CALN1: variants seen among roughly 807,000 people sequenced by gnomAD.
CALN1 encodes calneuron 1.
In CALN1, 17 loss-of-function variants were observed where a neutral mutation model predicts 30.6. That is an observed-to-expected ratio of 0.56 (90% CI 0.38 to 0.83). The LOEUF (loss-of-function observed/expected upper bound fraction) is 0.83. CALN1 is among the 40% of genes least tolerant of loss of function. The probability of loss-of-function intolerance (pLI) is 0.00; values close to 1 mark genes in which losing one functional copy is unlikely to be tolerated. For missense variants in CALN1, 291 were observed against 354.9 expected, an observed-to-expected ratio of 0.82 and a Z score of 1.45; for synonymous variants, 156 against 131.4, an observed-to-expected ratio of 1.19 and a Z score of -1.28.
intron 3 of CALN1, among the ~76,000 whole-genome samples, chr7:72,238,168 T>C (rs1368385569): frequency 6.6e-6 from 1 of 152,202 alleles, no homozygotes; most frequent in Non-Finnish European, 1.5e-5. Flanking sequence ...ATAATACTCT[T>C]AAATGAAAAA....
chr7:72,252,172 T>G (rs1373444449), intron 3 of CALN1, among the ~76,000 whole-genome samples: 3 of 152,112 alleles, frequency 2.0e-5, no homozygotes, highest in Non-Finnish European at 2.9e-5. Flanking sequence ...CCCTCTCAGT[T>G]AATCTCACCT....
At chr7:72,069,506 G>A (rs1457258041) in intron 4 of CALN1, among the ~76,000 whole-genome samples, 1 of 152,102 alleles carries the variant, frequency 6.6e-6, no homozygotes, top group Admixed American at 6.5e-5. Flanking sequence ...AGCTTGTGGT[G>A]TCTCCAGTAT....
intron 6 of CALN1, among the ~76,000 whole-genome samples, chr7:71,807,515 A>G (rs990318531): frequency 6.6e-6 from 1 of 152,222 alleles, no homozygotes; most frequent in Admixed American, 6.5e-5. Context: ...ATGTTTTTGC[A>G]AAGTTTCTCT....
chr7:71,967,639 A>AAAAG (rs34907489), intron 5 of CALN1, among the ~76,000 whole-genome samples: 30,198 of 142,078 alleles, frequency 0.21, 3,528 homozygotes, highest in East Asian at 0.48. Context: ...AAAAAAAAAA[A>AAAAG]AAAGAAAGAA....
intron 1 of CALN1, among the ~76,000 whole-genome samples, chr7:72,437,637 TTC>T (rs1051164461): frequency 9.2e-5 from 14 of 151,636 alleles, no homozygotes; most frequent in African/African-American, 3.4e-4. Context: ...TTCTTTTTCT[TTC>T]TCTTTCTCTC....
intron 2 of CALN1, among the ~76,000 whole-genome samples, chr7:72,294,750 T>TAATAAATAAATAAATAAATAAATA (rs58274123): frequency 3.0e-4 from 45 of 147,838 alleles, no homozygotes; most frequent in African/African-American, 1.1e-3. Flanking sequence ...TCTAAAAAAG[T>TAATAAATAAATAAATAAATAAATA]AATAAATAAA....
chr7:72,018,326 C>T (rs80032235), intron 5 of CALN1, among the ~76,000 whole-genome samples: 3 of 152,006 alleles, frequency 2.0e-5, no homozygotes, highest in African/African-American at 7.3e-5. Flanking sequence ...GGAAGCCTAC[C>T]CCCCAGTCCT....
intron 2 of CALN1, among the ~76,000 whole-genome samples, chr7:72,388,148 T>C (rs939728549): frequency 2.6e-4 from 40 of 152,180 alleles, no homozygotes; most frequent in Non-Finnish European, 2.1e-4. Flanking sequence ...TGATAAATGT[T>C]TGAAGTGATG....
chr7:72,115,120 T>C (rs1006909917), intron 3 of CALN1, among the ~76,000 whole-genome samples: 2 of 147,970 alleles, frequency 1.4e-5, no homozygotes, highest in African/African-American at 4.9e-5. Flanking sequence ...ATATATATAG[T>C]ATAATATAAA....
At chr7:72,393,843 A>G (rs2129561576) in intron 2 of CALN1, among the ~76,000 whole-genome samples, 1 of 148,886 alleles carries the variant, frequency 6.7e-6, no homozygotes, top group South Asian at 2.1e-4. Context: ...TCCACTTCCC[A>G]GGCCCAAGCA....
At chr7:71,923,988 T>C (rs113670483) in intron 5 of CALN1, among the ~76,000 whole-genome samples, 8,125 of 151,794 alleles carry the variant, frequency 0.054, 715 homozygotes, top group African/African-American at 0.18. Flanking sequence ...AGGTCAGGAG[T>C]TCAAGACCAT....
intron 5 of CALN1, among the ~76,000 whole-genome samples, chr7:71,939,156 C>T (rs1235262119): frequency 6.6e-6 from 1 of 152,076 alleles, no homozygotes; most frequent in East Asian, 1.9e-4. Flanking sequence ...AAAATCAGGT[C>T]AGGAATTAGG....
At chr7:72,048,267 G>A (rs1439440690) in intron 4 of CALN1, among the ~76,000 whole-genome samples, 1 of 152,044 alleles carries the variant, frequency 6.6e-6, no homozygotes, top group East Asian at 1.9e-4. Flanking sequence ...TTGAACTCTT[G>A]AGCTCAAGTG....
intron 5 of CALN1, among the ~76,000 whole-genome samples, chr7:71,915,345 T>C (rs1006197364): frequency 6.6e-6 from 1 of 152,194 alleles, no homozygotes; most frequent in Admixed American, 6.5e-5. Context: ...TGACAACCCC[T>C]TTCTTCTTTC....
rs1792900919 is a variant in CALN1, at chr7:71,784,806, G to A, written c.*2969C>T. On this transcript the variant is annotated 3_prime_UTR_variant, in exon 7 of 7. Coordinates refer to ENST00000395275, the MANE Select transcript of CALN1 (RefSeq NM_031468.4). ...ATTCCTGCGGAAGTCACTTCCAGCTGGGGCTACATGGCATCCCTTGGGCAT... is the reference window on the plus strand; with the variant it reads ...ATTCCTGCGGAAGTCACTTCCAGCTAGGGCTACATGGCATCCCTTGGGCAT... 5.0e-6 allele frequency: 2 copies of A among 398,548 alleles called. No individual in the cohort carries two copies. Among genetic ancestry groups the A allele is most frequent in the Non-Finnish European group, 4.4e-6 (1 of 226,128 alleles). 24.7% of individuals were successfully genotyped at this position (398,548 alleles called of 1,614,324 possible).
At chr7:72,048,691 C>T (rs1470712282) in intron 4 of CALN1, among the ~76,000 whole-genome samples, 1 of 150,486 alleles carries the variant, frequency 6.6e-6, no homozygotes, top group African/African-American at 2.5e-5. Flanking sequence ...GTCTGCCTCC[C>T]CTTCTTCCTC....
intron 2 of CALN1, among the ~76,000 whole-genome samples, chr7:72,315,381 A>G (rs1800366404): frequency 6.6e-6 from 1 of 152,206 alleles, no homozygotes; most frequent in Non-Finnish European, 1.5e-5. Flanking sequence ...ATATGAAAAC[A>G]AAACGTATGT....
rs183253319 is a variant in CALN1, at chr7:72,067,998, G to A, written c.388+38153C>T. 2.7e-4 allele frequency among the ~76,000 whole-genome samples: 41 copies of A among 152,262 alleles called. No homozygotes were observed. In the East Asian group the frequency reaches 7.5e-3, roughly 28 times the overall value. On this transcript the variant is annotated intron_variant, in intron 4 of 6. Coordinates refer to ENST00000395275, the MANE Select transcript of CALN1 (RefSeq NM_031468.4). ...ATCTTAGTCATTATTTACAAGTCTG[G>A]CTTGGCTACCAGATAATGAGGTAAA...
chr7:71,915,196 C>T (rs1287647521), intron 5 of CALN1, among the ~76,000 whole-genome samples: 1 of 152,156 alleles, frequency 6.6e-6, no homozygotes, highest in Non-Finnish European at 1.5e-5. Context: ...CTTAGGGGGC[C>T]AAGGTCTCCA....
Sources: gnomAD v4.1 joint callset for allele counts (sites outside exome capture counted in the v4.1 genomes callset) on GRCh38, gnomAD v4.1.1 for gene constraint, MANE v1.5 for transcripts, NCBI Gene and HGNC (gene_info 2026-07-23, HGNC 2026-07-21) for gene names.